The following NFS1 variants were observed in gnomAD, a reference collection of about 807,000 sequenced individuals.
The protein encoded by NFS1 is cysteine desulfurase.
NFS1 carries 26 observed loss-of-function variants against 57.3 expected under a neutral mutation model. The ratio of observed to expected loss-of-function variants is 0.45; its 90% CI spans 0.33 to 0.63. The LOEUF is 0.63. Among genes scored for constraint, NFS1 ranks in the 20% least tolerant of loss-of-function variants. The pLI is 0.02. For missense variants in NFS1, 505 were observed against 605.8 expected (o/e 0.83, Z 1.75); for synonymous variants, 209 against 216.3 (o/e 0.97, Z 0.30).
intron 5 of NFS1, among the ~76,000 whole-genome samples, chr20:35,687,639 T>C (rs1447601243): frequency 6.6e-6 from 1 of 152,146 alleles, no homozygotes; most frequent in Non-Finnish European, 1.5e-5. Flanking sequence ...CCAGCTGTCT[T>C]TTCTTTTATC....
At chr20:35,689,164 C>T (rs1382502181) in intron 5 of NFS1, among the ~76,000 whole-genome samples, 1 of 152,188 alleles carries the variant, frequency 6.6e-6, no homozygotes. Context: ...GGCTCCCATA[C>T]AAACCAGAAA....
rs2035180268 is a variant in NFS1 at position 35,698,469 on chromosome 20, C to T, written c.207+12G>A. ...TTCCTATAAGCAGCCTTGGGAAAAGCTTCATCCTTACCAGAGGAGTTGTAG... is the reference window on the plus strand; with the variant it reads ...TTCCTATAAGCAGCCTTGGGAAAAGTTTCATCCTTACCAGAGGAGTTGTAG... On this transcript the variant is annotated intron_variant, in intron 2 of 12. Transcript: ENST00000374092. 1 of 1,585,988 alleles carries T rather than the reference C, an allele frequency of 6.3e-7. No individual in the cohort carries two copies. Among genetic ancestry groups the T allele is most frequent in the Admixed American group, 1.8e-5 (1 of 55,380 alleles).
intron 6 of NFS1, among the ~76,000 whole-genome samples, chr20:35,681,506 T>C (rs1288393632): frequency 6.6e-6 from 1 of 152,198 alleles, no homozygotes; most frequent in Admixed American, 6.5e-5. Flanking sequence ...AAGACCAGCC[T>C]GGCCAACATG....
At chr20:35,692,671 G>C (rs1013083924) in intron 4 of NFS1, among the ~76,000 whole-genome samples, 18 of 151,472 alleles carry the variant, frequency 1.2e-4, no homozygotes, top group African/African-American at 4.1e-4. Flanking sequence ...CTCCAGCCTA[G>C]GTGAGATCAA....
At position 35,697,796 on chromosome 20, in the gene NFS1, G is replaced by C; in HGVS notation, c.212C>G (p.Pro71Arg). Reference protein sequence around the residue: ...MDVQATTPLDPRVLDAMLPYL... With the variant: ...MDVQATTPLDRRVLDAMLPYL... ...AGGGAGCATGGCATCAAGCACCCGG[G>C]GGTCCTGAACACAACAGAACAGATC... Residue 71 changes from proline to arginine, a missense_variant, in exon 3 of 13, where the codon CCC becomes CGC. Coordinates refer to ENST00000374092, the MANE Select transcript of NFS1 (RefSeq NM_021100.5). The C allele has an allele frequency of 6.2e-7, 1 of 1,608,668 alleles. No homozygotes were observed. The highest frequency in any genetic ancestry group is 8.5e-7 in the Non-Finnish European group (1 of 1,175,682).
rs2034611940 is a variant in NFS1, at chr20:35,669,197, G to A, written c.*425C>T. 6.4e-6 allele frequency: 1 copy of A among 157,094 alleles called. No individual in the cohort carries two copies. The highest frequency in any genetic ancestry group is 2.4e-5 in the African/African-American group (1 of 41,606). 9.7% of individuals were successfully genotyped at this position (157,094 alleles called of 1,614,324 possible). On this transcript the variant is annotated 3_prime_UTR_variant, in exon 13 of 13. Coordinates refer to ENST00000374092, the MANE Select transcript of NFS1 (RefSeq NM_021100.5). ...GAGCTACAGAAAATATTACATTGAAGTGGATTATGCTTGCTGTTAAAGAAG... is the reference window on the plus strand; with the variant it reads ...GAGCTACAGAAAATATTACATTGAAATGGATTATGCTTGCTGTTAAAGAAG...
chr20:35,672,887 G>A lies in NFS1; in HGVS notation c.1221-43C>T, dbSNP rs771073143. The A allele has an allele frequency of 1.4e-5, 16 of 1,178,482 alleles. No individual in the cohort carries two copies. In the South Asian group the frequency reaches 1.8e-4, roughly 13 times the overall value. 73.0% of individuals were successfully genotyped at this position (1,178,482 alleles called of 1,614,324 possible). ...AGAATGGCTCCCCATCAGAGCTCTG[G>A]CACTGGGATAAATTCATTCCGCAAA... On this transcript the variant is annotated intron_variant, in intron 11 of 12. Coordinates refer to ENST00000374092, the MANE Select transcript of NFS1 (RefSeq NM_021100.5).
chr20:35,679,980 A>C (rs1340802319), intron 7 of NFS1, among the ~76,000 whole-genome samples: 1 of 152,202 alleles, frequency 6.6e-6, no homozygotes, highest in African/African-American at 2.4e-5. Context: ...AGAGACTAAC[A>C]GGATAACAGA....
chr20:35,680,594 TA>T (rs2034830951), intron 7 of NFS1, 142 bp downstream of exon 7: 4 of 601,966 alleles, frequency 6.6e-6, no homozygotes, highest in Non-Finnish European at 1.0e-5. Flanking sequence ...TGGCTATTGC[TA>T]AATGACATTT....
chr20:35,698,273 G>C (rs1401748115), intron 2 of NFS1, among the ~76,000 whole-genome samples: 4 of 152,232 alleles, frequency 2.6e-5, no homozygotes, highest in East Asian at 1.9e-4. Flanking sequence ...TAGAGCCTGC[G>C]CTGAAGTGAT....
At chr20:35,682,864 G>T (rs1941150793) in intron 5 of NFS1, 1 of 154,232 alleles carries the variant, frequency 6.5e-6, no homozygotes, top group Admixed American at 6.6e-5. Flanking sequence ...GGATCGCAAG[G>T]TCAGGAGATC....
At chr20:35,691,738 C>CAAAAAAAAAAA (rs60402350) in intron 4 of NFS1, among the ~76,000 whole-genome samples, 1 of 18,148 alleles carries the variant, frequency 5.5e-5, no homozygotes, top group African/African-American at 1.4e-4. Flanking sequence ...GACTGCATCT[C>CAAAAAAAAAAA]AAAAAAAAAA....
intron 4 of NFS1, chr20:35,692,403 A>C: frequency 5.5e-6 from 1 of 180,706 alleles, no homozygotes. Context: ...ATTAATTAAA[A>C]AAAAAAAAGG....
At chr20:35,683,831 G>T (rs2034893091) in intron 5 of NFS1, among the ~76,000 whole-genome samples, 1 of 151,590 alleles carries the variant, frequency 6.6e-6, no homozygotes, top group South Asian at 2.1e-4. Flanking sequence ...GAAATTGCTG[G>T]GTATGGTGGC....
At chr20:35,692,917 G>A (rs1291372805) in intron 4 of NFS1, among the ~76,000 whole-genome samples, 3 of 151,422 alleles carry the variant, frequency 2.0e-5, no homozygotes, top group Admixed American at 6.6e-5. Flanking sequence ...CAGGAGAATC[G>A]CTTGAACCCT....
chr20:35,696,106 CA>C (rs748890984), intron 4 of NFS1, among the ~76,000 whole-genome samples: 3 of 145,326 alleles, frequency 2.1e-5, no homozygotes, highest in Non-Finnish European at 1.5e-5. Context: ...AACTGCCAGA[CA>C]AAAAAAAAAC....
chr20:35,673,535 A>G (rs2034691776), intron 11 of NFS1, 66 bp downstream of exon 11: 1 of 1,398,516 alleles, frequency 7.2e-7, no homozygotes, highest in Non-Finnish European at 1.0e-6. Flanking sequence ...AAAGAAAAAA[A>G]CTGTAACAGG....
chr20:35,680,553 C>T (rs2034830475), intron 7 of NFS1, among the ~76,000 whole-genome samples, 184 bp downstream of exon 7: 2 of 152,228 alleles, frequency 1.3e-5, no homozygotes, highest in Non-Finnish European at 1.5e-5. Context: ...TGTATAGTAA[C>T]TGCTAAGGTC....
intron 12 of NFS1, among the ~76,000 whole-genome samples, chr20:35,671,948 GTTGTTT>G (rs200961816): frequency 0.037 from 5,566 of 151,172 alleles, 350 homozygotes; most frequent in African/African-American, 0.13. Flanking sequence ...TCTTTAGTTT[GTTGTTT>G]TTGTTTTTGT....
Sources: gnomAD v4.1 joint callset for allele counts (sites outside exome capture counted in the v4.1 genomes callset) on GRCh38, gnomAD v4.1.1 for gene constraint, MANE v1.5 for transcripts, NCBI Gene and HGNC (gene_info 2026-07-23, HGNC 2026-07-21) for gene names.